Variants in FRMD6 observed in about 807,000 individuals in gnomAD.
FRMD6 encodes FERM domain-containing protein 6.
Under a neutral mutation model 73.2 loss-of-function variants are expected in FRMD6, and 37 were observed. The ratio of observed to expected loss-of-function variants is 0.51; its 90% CI spans 0.39 to 0.66. FRMD6 has a LOEUF of 0.66. Ranked by LOEUF, FRMD6 falls within the 30% of genes least tolerant of loss-of-function variation. FRMD6 has a pLI of 0.00. For synonymous variants in FRMD6, 273 were observed against 282.2 expected (o/e 0.97, Z 0.33); for missense variants, 714 against 780.5 (o/e 0.91, Z 1.02).
At chr14:51,653,021 A>G (rs1892540502) in intron 1 of FRMD6, among the ~76,000 whole-genome samples, 1 of 152,050 alleles carries the variant, frequency 6.6e-6, no homozygotes, top group African/African-American at 2.4e-5. Flanking sequence ...CCCCCTTAAC[A>G]CCTTTTCATT....
chr14:51,631,608 C>A (rs369523785), intron 2 of FRMD6, among the ~76,000 whole-genome samples: 1 of 152,134 alleles, frequency 6.6e-6, no homozygotes. Context: ...CACTTTTTCT[C>A]TTTACCATTG....
At chr14:51,693,545 G>C (rs190545717) in intron 2 of FRMD6, among the ~76,000 whole-genome samples, 1 of 152,074 alleles carries the variant, frequency 6.6e-6, no homozygotes, top group African/African-American at 2.4e-5. Context: ...TGTGAAGTAG[G>C]GATAATCTTA....
intron 7 of FRMD6, among the ~76,000 whole-genome samples, chr14:51,710,827 A>C (rs1291120893): frequency 6.6e-6 from 1 of 152,174 alleles, no homozygotes; most frequent in Non-Finnish European, 1.5e-5. Flanking sequence ...CTGAATTTTA[A>C]AGTGAATTTT....
chr14:51,543,109 G>T (rs1014516731), intron 1 of FRMD6, among the ~76,000 whole-genome samples: 1 of 151,910 alleles, frequency 6.6e-6, no homozygotes, highest in African/African-American at 2.4e-5. Context: ...TAATTTATCT[G>T]TTTTTTATTG....
chr14:51,715,223 A>G (rs1382786908), intron 9 of FRMD6, 102 bp from the exon 10 acceptor site: 5 of 882,948 alleles, frequency 5.7e-6, no homozygotes, highest in Non-Finnish European at 8.2e-6. Context: ...AACTTTATAC[A>G]TTTCAGAATC....
chr14:51,598,222 AATTAAC>A (rs1251880641), intron 2 of FRMD6, among the ~76,000 whole-genome samples: 24 of 152,274 alleles, frequency 1.6e-4, no homozygotes, highest in African/African-American at 5.1e-4. Context: ...CCAAACCAGA[AATTAAC>A]ATTATAATCT....
chr14:51,719,442 A>C (rs1484031096), intron 10 of FRMD6, among the ~76,000 whole-genome samples: 2 of 152,258 alleles, frequency 1.3e-5, no homozygotes, highest in Non-Finnish European at 2.9e-5. Context: ...AAATTTTAGA[A>C]TATTCACAAG....
chr14:51,540,424 T>C (rs1886143678), intron 1 of FRMD6, among the ~76,000 whole-genome samples: 1 of 152,192 alleles, frequency 6.6e-6, no homozygotes, highest in East Asian at 1.9e-4. Context: ...TGAGACCTTT[T>C]ACCCGTGGTG....
chr14:51,484,150 C>A (rs1882719659), upstream of FRMD6, among the ~76,000 whole-genome samples: 1 of 152,248 alleles, frequency 6.6e-6, no homozygotes, highest in Non-Finnish European at 1.5e-5. Context: ...CAAAGAATAT[C>A]TTTACAGGGA....
the FRMD6 span, among the ~76,000 whole-genome samples, chr14:51,415,156 C>T: frequency 6.6e-6 from 1 of 152,146 alleles, no homozygotes; most frequent in Admixed American, 6.5e-5. Flanking sequence ...TTTCTCTTGC[C>T]TGACTGCCCT....
chr14:51,455,993 T>G, the FRMD6 span, among the ~76,000 whole-genome samples: 1 of 152,068 alleles, frequency 6.6e-6, no homozygotes, highest in Non-Finnish European at 1.5e-5. Flanking sequence ...AGGCAGTGGG[T>G]GGGTGAAGCC....
chr14:51,458,502 G>C, the FRMD6 span, among the ~76,000 whole-genome samples: 1 of 152,202 alleles, frequency 6.6e-6, no homozygotes, highest in Non-Finnish European at 1.5e-5. Flanking sequence ...AAGTTTGATA[G>C]ACAGTCCTTT....
chr14:51,413,546 A>C, the FRMD6 span, among the ~76,000 whole-genome samples: 1 of 152,084 alleles, frequency 6.6e-6, no homozygotes, highest in African/African-American at 2.4e-5. Context: ...CATTTTCTTA[A>C]TCCAGTCTAT....
chr14:51,419,682 C>G, the FRMD6 span, among the ~76,000 whole-genome samples: 1 of 152,186 alleles, frequency 6.6e-6, no homozygotes, highest in East Asian at 1.9e-4. Flanking sequence ...ATCTGAAAGT[C>G]TCTGAAATTA....
chr14:51,559,941 G>A (rs1887385850), intron 1 of FRMD6, among the ~76,000 whole-genome samples: 1 of 152,186 alleles, frequency 6.6e-6, no homozygotes, highest in African/African-American at 2.4e-5. Flanking sequence ...TTCCAGGCGT[G>A]CCTAGAGTCT....
the FRMD6 span, among the ~76,000 whole-genome samples, chr14:51,464,722 G>A: frequency 2.6e-5 from 4 of 152,294 alleles, no homozygotes; most frequent in African/African-American, 4.8e-5. Context: ...CAGACAGAAC[G>A]TAGAGTGGTA....
intron 2 of FRMD6, among the ~76,000 whole-genome samples, chr14:51,619,232 A>C (rs1038967611): frequency 6.6e-5 from 10 of 152,282 alleles, no homozygotes; most frequent in Non-Finnish European, 1.3e-4. Flanking sequence ...ATGAAGAAAC[A>C]CTTATTTTTA....
chr14:51,482,895 G>A, the FRMD6 span, among the ~76,000 whole-genome samples: 1 of 151,962 alleles, frequency 6.6e-6, no homozygotes, highest in Non-Finnish European at 1.5e-5. Flanking sequence ...AGAGACGGGG[G>A]GTTTCACTAT....
chr14:51,685,154 G>A (rs1319772467), intron 1 of FRMD6, among the ~76,000 whole-genome samples: 1 of 152,176 alleles, frequency 6.6e-6, no homozygotes, highest in East Asian at 1.9e-4. Context: ...GCTATCATTA[G>A]CACTATTATT....
Sources: allele counts gnomAD v4.1 joint callset (sites outside exome capture counted in the v4.1 genomes callset), GRCh38; gene constraint gnomAD v4.1.1; transcripts MANE v1.5; gene names NCBI Gene and HGNC (gene_info 2026-07-23, HGNC 2026-07-21).